The following DIS3L variants were observed in gnomAD, a reference collection of about 807,000 sequenced individuals.
The protein encoded by DIS3L is DIS3-like exonuclease 1.
DIS3L carries 100 observed loss-of-function variants against 120.3 expected under a neutral mutation model. The ratio of observed to expected loss-of-function variants is 0.83; its 90% CI spans 0.71 to 0.98. The LOEUF is 0.98. DIS3L is among the 50% of genes least tolerant of loss of function. The pLI is 0.00. For synonymous variants in DIS3L, 426 were observed against 470.6 expected (o/e 0.91, Z 1.23); for missense variants, 1,196 against 1,314.2 (o/e 0.91, Z 1.39).
chr15:66,323,661 A>G (rs1166336597), intron 11 of DIS3L, 76 bp downstream of exon 11: 30 of 1,488,358 alleles, frequency 2.0e-5, no homozygotes, highest in Non-Finnish European at 2.6e-5. Flanking sequence ...TTCTGGCCTC[A>G]TGTTTCTTCT....
At position 66,309,094 on chromosome 15, in the gene DIS3L, A is replaced by AAAAAAATATATATATATAT; in HGVS notation, c.558+251_558+252insAAAAATATATATATATATA. On this transcript the variant is annotated intron_variant, in intron 4 of 16. Coordinates refer to ENST00000319212, the MANE Select transcript of DIS3L (RefSeq NM_001143688.3). ...CTTGTCTCTACAGAAAAAAAAAAAA[A>AAAAAAATATATATATATAT]ATATATATATCTCCAAGCATGGTGG... 2.6e-4 allele frequency among the ~76,000 whole-genome samples: 4 copies of AAAAAAATATATATATATAT among 15,320 alleles called. 2 individuals carry two copies. Among genetic ancestry groups the AAAAAAATATATATATATAT allele is most frequent in the Non-Finnish European group, 4.8e-4 (4 of 8,310 alleles). 10.1% of individuals were successfully genotyped at this position (15,320 alleles called of 152,430 possible).
intron 14 of DIS3L, chr15:66,329,783 G>C (rs964229627): frequency 5.4e-5 from 50 of 929,932 alleles, no homozygotes; most frequent in Non-Finnish European, 6.3e-5. Flanking sequence ...GTGATGGCAC[G>C]CGCCTGTAGT....
chr15:66,329,931 G>T, intron 14 of DIS3L: 1 of 983,556 alleles, frequency 1.0e-6, no homozygotes, highest in Non-Finnish European at 1.2e-6. Context: ...AAAAAGATAT[G>T]AAGACAGAAA....
chr15:66,302,155 G>C (rs2092654677), intron 2 of DIS3L, among the ~76,000 whole-genome samples: 1 of 152,038 alleles, frequency 6.6e-6, no homozygotes, highest in Non-Finnish European at 1.5e-5. Flanking sequence ...TTGAGCTCAG[G>C]AATTTGAGAT....
At chr15:66,294,864 T>A (rs2092568395) in intron 1 of DIS3L, 124 bp from the exon 2 acceptor site, 1 of 1,045,740 alleles carries the variant, frequency 9.6e-7, no homozygotes, top group Non-Finnish European at 1.3e-6. Context: ...TAGATTTGTC[T>A]TTTAAAAACT....
rs780949108 is a variant in DIS3L at position 66,329,392 on chromosome 15, G to C, written c.2528G>C (p.Arg843Thr). 12 of 1,599,636 alleles carry C rather than the reference G, an allele frequency of 7.5e-6. No homozygotes were observed. Among genetic ancestry groups the C allele is most frequent in the Admixed American group, 3.6e-5 (2 of 56,236 alleles). ...LEELCRHINNRNQAAQHSQKQ... is the reference protein window; with the variant it reads ...LEELCRHINNTNQAAQHSQKQ... The stretch of plus-strand genomic sequence containing the variant: ...GAATTATGCAGACATATCAACAACA[G>C]AAACCAAGTAAGAGGGAATTTCAAA... The change falls in exon 14 of 17, where the codon AGA becomes ACA. Residue 843 changes from arginine (R) to threonine (T), a missense_variant. Physicochemically the swap from Arg to Thr is moderately conservative, Grantham distance 71. Transcript: ENST00000319212.
intron 8 of DIS3L, among the ~76,000 whole-genome samples, chr15:66,319,162 T>C (rs544089752): frequency 9.2e-5 from 14 of 152,252 alleles, no homozygotes; most frequent in Admixed American, 8.5e-4. Flanking sequence ...GGTCTTGAAC[T>C]CCTGACCTCA....
chr15:66,319,496 G>C (rs112848590), intron 8 of DIS3L, among the ~76,000 whole-genome samples: 10 of 152,292 alleles, frequency 6.6e-5, no homozygotes, highest in African/African-American at 2.4e-4. Context: ...GTACTTCACA[G>C]AATTGATTAT....
intron 4 of DIS3L, among the ~76,000 whole-genome samples, chr15:66,310,316 A>T (rs748477728): frequency 9.9e-5 from 15 of 152,208 alleles, no homozygotes; most frequent in Non-Finnish European, 1.9e-4. Context: ...GTTGCAATAC[A>T]TCATGTCTTG....
intron 12 of DIS3L, 65 bp from the exon 13 acceptor site, chr15:66,328,905 C>T (rs2092966424): frequency 6.5e-7 from 1 of 1,546,678 alleles, no homozygotes; most frequent in Non-Finnish European, 8.7e-7. Flanking sequence ...GAAGGGTTCC[C>T]CTCAAAGTGT....
rs138550072 is a variant in DIS3L at position 66,318,864 on chromosome 15, C to T, written c.1164+246C>T. ...CTGGAGTGTAGTGGCGTGATCTCAGCTCATTGCAACCTCCACCTCCCGGGT... is the reference window on the plus strand; with the variant it reads ...CTGGAGTGTAGTGGCGTGATCTCAGTTCATTGCAACCTCCACCTCCCGGGT... On this transcript the variant is annotated intron_variant, in intron 8 of 16. Coordinates refer to ENST00000319212, the MANE Select transcript of DIS3L (RefSeq NM_001143688.3). Among the ~76,000 whole-genome samples, 207 of 152,230 alleles carry T rather than the reference C, an allele frequency of 1.4e-3. 1 individual carries two copies. Among genetic ancestry groups the T allele is most frequent in the African/African-American group, 4.6e-3 (193 of 41,534 alleles).
At position 66,329,246 on chromosome 15, in the gene DIS3L, C is replaced by T; in HGVS notation, c.2382C>T (p.His794=). 4 of 1,607,790 alleles carry T rather than the reference C, an allele frequency of 2.5e-6. No individual in the cohort carries two copies. The highest frequency in any genetic ancestry group is 1.7e-5 in the Admixed American group (1 of 58,918). ...GTCTTGCATTAGATAAATATACCCA[C>T]TTTACTTCTCCAATAAGAAGATATT... The part of the protein sequence containing the change: ...HYGLALDKYT[H]FTSPIRRYSD... Residue 794 remains histidine (H), a synonymous_variant, in exon 14 of 17, where the codon CAC becomes CAT. Coordinates refer to ENST00000319212, the MANE Select transcript of DIS3L (RefSeq NM_001143688.3).
chr15:66,293,724 C>T lies in DIS3L; in HGVS notation c.128C>T (p.Ala43Val). Residue 43 changes from alanine to valine, a missense_variant, in exon 1 of 17, where the codon GCC (alanine) becomes GTC (valine). By Grantham distance (64) the Ala-to-Val change is moderately conservative. Coordinates refer to ENST00000319212, the MANE Select transcript of DIS3L (RefSeq NM_001143688.3). ...CHSPLCPQPA[A>V]CSHDGKLLSS... Reference sequence around the variant, plus strand: ...AGCCCGCTCTGCCCGCAGCCCGCCGCCTGCAGCCACGGTCAGGGCCGGGGC... The same window carrying T: ...AGCCCGCTCTGCCCGCAGCCCGCCGTCTGCAGCCACGGTCAGGGCCGGGGC... 2 of 1,306,838 alleles carry T rather than the reference C, an allele frequency of 1.5e-6. No homozygotes were observed. The highest frequency in any genetic ancestry group is 6.9e-5 in the East Asian group (2 of 29,186). 81.0% of individuals were successfully genotyped at this position (1,306,838 alleles called of 1,614,324 possible).
intron 2 of DIS3L, among the ~76,000 whole-genome samples, chr15:66,305,603 C>T (rs1180521291): frequency 6.6e-6 from 1 of 152,138 alleles, no homozygotes; most frequent in African/African-American, 2.4e-5. Context: ...TAGCTCACTG[C>T]AGCCTCAGAC....
intron 9 of DIS3L, among the ~76,000 whole-genome samples, 184 bp downstream of exon 9, chr15:66,320,916 A>G (rs1464249024): frequency 6.6e-6 from 1 of 152,238 alleles, no homozygotes; most frequent in African/African-American, 2.4e-5. Flanking sequence ...CTTCAAGTGT[A>G]GAATTAGTTT....
Position 66,309,094 on chromosome 15 carries a change from A to AAAAATATATATATATATATATATATAT in DIS3L, c.558+251_558+252insAAATATATATATATATATATATATATA. Among the ~76,000 whole-genome samples the AAAAATATATATATATATATATATATAT allele has an allele frequency of 3.3e-4, 5 of 15,310 alleles. 1 individual carries two copies. The highest frequency in any genetic ancestry group is 2.4e-4 in the Non-Finnish European group (2 of 8,302). The allele number at this position is 15,310 out of a possible 152,430, so 10.0% of individuals were successfully genotyped here. A position where few individuals can be genotyped will look rare whatever the true frequency, so the allele number is the denominator to read the frequency against. ...CTTGTCTCTACAGAAAAAAAAAAAA[A>AAAAATATATATATATATATATATATAT]ATATATATATCTCCAAGCATGGTGG... On this transcript the variant is annotated intron_variant, in intron 4 of 16. Transcript: ENST00000319212.
chr15:66,293,875 C>G (rs1209243930), intron 1 of DIS3L, 140 bp downstream of exon 1: 1 of 856,034 alleles, frequency 1.2e-6, no homozygotes, highest in Admixed American at 5.4e-4. Flanking sequence ...GCTCGCCGGC[C>G]TCACCCCCCG....
chr15:66,326,660 A>G, intron 12 of DIS3L: 2 of 251,022 alleles, frequency 8.0e-6, no homozygotes, highest in Non-Finnish European at 1.5e-5. Context: ...GCTCACTGCA[A>G]CCACCACCTC....
At chr15:66,327,797 C>T (rs1230008651) in intron 12 of DIS3L, among the ~76,000 whole-genome samples, 2 of 152,112 alleles carry the variant, frequency 1.3e-5, no homozygotes, top group African/African-American at 2.4e-5. Flanking sequence ...TACAGTGGCT[C>T]ACACCTGTAA....
Sources: gnomAD v4.1 joint callset for allele counts (sites outside exome capture counted in the v4.1 genomes callset) on GRCh38, gnomAD v4.1.1 for gene constraint, MANE v1.5 for transcripts, NCBI Gene and HGNC (gene_info 2026-07-23, HGNC 2026-07-21) for gene names.